NOL4L: variants seen among roughly 807,000 people sequenced by gnomAD.
NOL4L encodes the protein nucleolar protein 4 like.
NOL4L carries 7 observed loss-of-function variants against 64.5 expected under a neutral mutation model. The ratio of observed to expected loss-of-function variants is 0.11; its 90% CI spans 0.06 to 0.20. The LOEUF (loss-of-function observed/expected upper bound fraction) is 0.20, where lower values mean the gene tolerates loss of function less well. Ranked by LOEUF, NOL4L falls within the 10% of genes least tolerant of loss-of-function variation. The pLI, the probability that NOL4L is intolerant of heterozygous loss-of-function variation, is 1.00. For synonymous variants in NOL4L, 413 were observed against 401.0 expected (o/e 1.03, Z -0.36); for missense variants, 680 against 967.1 (o/e 0.70, Z 3.94).
chr20:32,485,085 A>AAAAAAAAAC (rs1568643237), intron 4 of NOL4L, among the ~76,000 whole-genome samples: 2 of 144,298 alleles, frequency 1.4e-5, no homozygotes, highest in East Asian at 2.1e-4. Context: ...AAAAAAAAAA[A>AAAAAAAAAC]AACAACTAAA....
chr20:32,530,614 TATTA>T (rs1425396524), intron 1 of NOL4L, among the ~76,000 whole-genome samples: 1 of 151,948 alleles, frequency 6.6e-6, no homozygotes, highest in African/African-American at 2.4e-5. Context: ...GTGTTCAATT[TATTA>T]AGTCATTAAA....
At chr20:32,566,400 C>T (rs1378514592) in intron 1 of NOL4L, among the ~76,000 whole-genome samples, 1 of 147,506 alleles carries the variant, frequency 6.8e-6, no homozygotes, top group East Asian at 2.4e-4. Flanking sequence ...GGCACCTGCC[C>T]CAGCCCCACC....
intron 4 of NOL4L, among the ~76,000 whole-genome samples, chr20:32,489,888 C>A (rs983461921): frequency 6.6e-6 from 1 of 151,744 alleles, no homozygotes; most frequent in African/African-American, 2.4e-5. Flanking sequence ...CAGCATTTTG[C>A]GAAGCCGAGG....
intron 4 of NOL4L, 52 bp from the exon 5 acceptor site, chr20:32,474,794 C>G: frequency 6.6e-7 from 1 of 1,522,970 alleles, no homozygotes; most frequent in East Asian, 2.5e-5. Flanking sequence ...CTCTCATCAG[C>G]CTGAGGCAGC....
intron 1 of NOL4L, among the ~76,000 whole-genome samples, chr20:32,574,502 G>GCT (rs1437774112): frequency 2.6e-5 from 4 of 152,140 alleles, no homozygotes; most frequent in African/African-American, 9.7e-5. Flanking sequence ...GAAGCCAGGG[G>GCT]CTCTCGGAAA....
chr20:32,448,699 G>A (rs1005180607), intron 10 of NOL4L, among the ~76,000 whole-genome samples: 1 of 152,202 alleles, frequency 6.6e-6, no homozygotes, highest in African/African-American at 2.4e-5. Flanking sequence ...CCCGCCCTTT[G>A]TCCTCGGATG....
intron 1 of NOL4L, chr20:32,536,275 C>G (rs1300710576): frequency 3.0e-6 from 3 of 985,256 alleles, no homozygotes; most frequent in Non-Finnish European, 3.6e-6. Flanking sequence ...TAGCCCTGAG[C>G]CAGCCAGGCC....
intron 3 of NOL4L, among the ~76,000 whole-genome samples, chr20:32,517,488 G>T (rs972988234): frequency 3.9e-5 from 6 of 152,220 alleles, no homozygotes; most frequent in African/African-American, 1.4e-4. Context: ...CAGGAGGAGG[G>T]GAACCTGGGG....
chr20:32,569,317 G>A (rs1178708062), intron 1 of NOL4L, among the ~76,000 whole-genome samples: 1 of 152,218 alleles, frequency 6.6e-6, no homozygotes, highest in Non-Finnish European at 1.5e-5. Context: ...GGCCTTGCAG[G>A]TCATGGTGAC....
intron 1 of NOL4L, among the ~76,000 whole-genome samples, chr20:32,543,037 G>A (rs768154306): frequency 2.6e-5 from 4 of 152,146 alleles, no homozygotes; most frequent in South Asian, 2.1e-4. Flanking sequence ...TGAGGAGCTC[G>A]CCAGCTAGTG....
chr20:32,562,785 C>G (rs1024764541), intron 1 of NOL4L, among the ~76,000 whole-genome samples: 1 of 151,478 alleles, frequency 6.6e-6, no homozygotes, highest in Non-Finnish European at 1.5e-5. Context: ...CCTCCCCATT[C>G]TGCTCCTGCA....
At chr20:32,511,508 T>TGCTGTGG in intron 3 of NOL4L, 52 bp from the exon 4 acceptor site, 2 of 1,304,220 alleles carry the variant, frequency 1.5e-6, no homozygotes, top group Non-Finnish European at 2.2e-6. Context: ...GCGGGCCTGT[T>TGCTGTGG]GCCCACATGG....
chr20:32,511,823 A>G (rs2017420143), intron 3 of NOL4L, among the ~76,000 whole-genome samples: 1 of 152,220 alleles, frequency 6.6e-6, no homozygotes, highest in East Asian at 1.9e-4. Context: ...TGGGCAACAC[A>G]GGGAGATCTC....
intron 1 of NOL4L, among the ~76,000 whole-genome samples, chr20:32,582,372 G>A (rs1295949282): frequency 1.3e-5 from 2 of 152,176 alleles, no homozygotes; most frequent in Non-Finnish European, 2.9e-5. Context: ...GCGGGTCAGC[G>A]TGGGTCTCAA....
chr20:32,500,140 C>G (rs868003695), intron 4 of NOL4L, among the ~76,000 whole-genome samples: 1 of 152,178 alleles, frequency 6.6e-6, no homozygotes, highest in Non-Finnish European at 1.5e-5. Context: ...ATGCTTTTTG[C>G]TCTGTCAGCT....
At chr20:32,536,651 C>A (rs1166559243) in intron 1 of NOL4L, among the ~76,000 whole-genome samples, 7 of 150,056 alleles carry the variant, frequency 4.7e-5, no homozygotes, top group African/African-American at 1.7e-4. Context: ...GTAACCATGG[C>A]AACCCACCAG....
chr20:32,477,011 G>T (rs1175067058), intron 4 of NOL4L, among the ~76,000 whole-genome samples: 1 of 152,196 alleles, frequency 6.6e-6, no homozygotes, highest in African/African-American at 2.4e-5. Context: ...GCATGGGCGG[G>T]CACACGGGGA....
chr20:32,489,505 C>T (rs978792915), intron 4 of NOL4L, among the ~76,000 whole-genome samples: 1 of 151,986 alleles, frequency 6.6e-6, no homozygotes, highest in African/African-American at 2.4e-5. Context: ...CAGGCATGTG[C>T]CACTGCACCT....
intron 4 of NOL4L, chr20:32,483,424 G>T: frequency 1.0e-6 from 1 of 987,342 alleles, no homozygotes; most frequent in Non-Finnish European, 1.2e-6. Flanking sequence ...GCGGGCGGCG[G>T]TGACAGCCCC....
Sources: gnomAD v4.1 joint callset for allele counts (sites outside exome capture counted in the v4.1 genomes callset) on GRCh38, gnomAD v4.1.1 for gene constraint, MANE v1.5 for transcripts, NCBI Gene and HGNC (gene_info 2026-07-23, HGNC 2026-07-21) for gene names.